ASTN2: variants seen among roughly 807,000 people sequenced by gnomAD.
The protein encoded by ASTN2 is astrotactin-2.
Under a neutral mutation model 139.8 loss-of-function variants are expected in ASTN2, and 54 were observed. The observed-to-expected ratio is 0.39, with a 90% CI of 0.31 to 0.48. ASTN2 has a LOEUF of 0.48. Ranked by LOEUF, ASTN2 falls within the 20% of genes least tolerant of loss-of-function variation. The pLI is 0.95. For synonymous variants in ASTN2, 756 were observed against 719.5 expected (o/e 1.05, Z -0.81); for missense variants, 1,565 against 1,725.1 (o/e 0.91, Z 1.64).
intron 10 of ASTN2, among the ~76,000 whole-genome samples, chr9:116,883,794 C>G (rs1354654221): frequency 6.6e-6 from 1 of 152,186 alleles, no homozygotes; most frequent in Non-Finnish European, 1.5e-5. Context: ...GATTTCTAGA[C>G]AGAGCAATGG....
intron 19 of ASTN2, among the ~76,000 whole-genome samples, chr9:116,530,593 T>C (rs553842175): frequency 6.6e-5 from 10 of 152,204 alleles, no homozygotes; most frequent in African/African-American, 1.9e-4. Context: ...ATACCATAAA[T>C]ATATATAATT....
intron 17 of ASTN2, among the ~76,000 whole-genome samples, chr9:116,643,859 A>G (rs557253559): frequency 1.3e-4 from 20 of 152,184 alleles, no homozygotes; most frequent in Non-Finnish European, 2.5e-4. Context: ...TGTCTATTGC[A>G]CTATTCAAAA....
chr9:116,476,802 T>C (rs1369336189), intron 20 of ASTN2, among the ~76,000 whole-genome samples: 1 of 152,160 alleles, frequency 6.6e-6, no homozygotes, highest in East Asian at 1.9e-4. Context: ...CCCCCTTTTA[T>C]CAATATCAAA....
intron 1 of ASTN2, among the ~76,000 whole-genome samples, chr9:117,306,602 G>T (rs892532236): frequency 2.0e-5 from 3 of 152,130 alleles, no homozygotes; most frequent in Non-Finnish European, 2.9e-5. Flanking sequence ...TGTTAGTAAA[G>T]ATGCTTTGAT....
chr9:117,015,041 C>G (rs1396479654), intron 6 of ASTN2, among the ~76,000 whole-genome samples: 1 of 152,044 alleles, frequency 6.6e-6, no homozygotes. Flanking sequence ...GTTGTTGAAA[C>G]AGCTCTAACT....
At chr9:117,143,420 T>C (rs1830120366) in intron 3 of ASTN2, among the ~76,000 whole-genome samples, 1 of 152,198 alleles carries the variant, frequency 6.6e-6, no homozygotes, top group Non-Finnish European at 1.5e-5. Flanking sequence ...GCCCAATAGA[T>C]GGGCTATACT....
intron 4 of ASTN2, among the ~76,000 whole-genome samples, chr9:117,102,749 T>C (rs1223221897): frequency 6.6e-6 from 1 of 152,198 alleles, no homozygotes; most frequent in Non-Finnish European, 1.5e-5. Context: ...CTTGAACTCC[T>C]GACCTTAGAT....
intron 17 of ASTN2, among the ~76,000 whole-genome samples, chr9:116,629,335 T>C (rs1431853533): frequency 6.6e-6 from 1 of 152,068 alleles, no homozygotes; most frequent in Admixed American, 6.5e-5. Context: ...GCCAGGATGG[T>C]CTTGAGCTTC....
intron 3 of ASTN2, among the ~76,000 whole-genome samples, chr9:117,185,551 CAG>C (rs1266381257): frequency 6.6e-6 from 1 of 151,432 alleles, no homozygotes; most frequent in Non-Finnish European, 1.5e-5. Flanking sequence ...TATATCTGCA[CAG>C]AGTCAGATAG....
intron 19 of ASTN2, among the ~76,000 whole-genome samples, chr9:116,502,718 GGAAGGAAGGAAGGAATGAATGAATGAAT>G (rs1849919619): frequency 8.3e-5 from 4 of 47,930 alleles, no homozygotes; most frequent in African/African-American, 3.0e-4. Flanking sequence ...AAGGAAGGAA[GGAAGGAAGGAAGGAATGAATGAATGAAT>G]GAGGGAAGGA....
chr9:116,971,186 TG>T (rs1836185040), intron 10 of ASTN2, among the ~76,000 whole-genome samples: 2 of 152,204 alleles, frequency 1.3e-5, no homozygotes, highest in African/African-American at 4.8e-5. Context: ...GCTAGAGATT[TG>T]CTCTTCCACC....
intron 20 of ASTN2, among the ~76,000 whole-genome samples, chr9:116,446,255 G>GGAGAGAGAGAGAGAGATAGAGAGA (rs1847987098): frequency 8.8e-6 from 1 of 113,932 alleles, no homozygotes; most frequent in African/African-American, 3.5e-5. Flanking sequence ...GAGGGGAGAG[G>GGAGAGAGAGAGAGAGATAGAGAGA]GAGAGAGAGA....
At chr9:116,806,374 C>T (rs1265191505) in intron 12 of ASTN2, among the ~76,000 whole-genome samples, 1 of 152,146 alleles carries the variant, frequency 6.6e-6, no homozygotes, top group Non-Finnish European at 1.5e-5. Context: ...GTGGCCTCAT[C>T]TATGGACAAA....
At chr9:116,476,446 C>A (rs1482237604) in intron 20 of ASTN2, among the ~76,000 whole-genome samples, 1 of 152,162 alleles carries the variant, frequency 6.6e-6, no homozygotes, top group Non-Finnish European at 1.5e-5. Context: ...GTTCCCCTGG[C>A]TGGGCTAGTG....
At chr9:116,573,681 T>G (rs576618043) in intron 19 of ASTN2, among the ~76,000 whole-genome samples, 5 of 152,342 alleles carry the variant, frequency 3.3e-5, no homozygotes, top group African/African-American at 1.2e-4. Flanking sequence ...TCTTTGGATC[T>G]TGTACTAACC....
intron 1 of ASTN2, among the ~76,000 whole-genome samples, chr9:117,365,050 G>A (rs1419653183): frequency 1.3e-5 from 2 of 151,318 alleles, no homozygotes; most frequent in African/African-American, 4.9e-5. Flanking sequence ...TACTCAGGAG[G>A]CTGGGAAAGG....
chr9:116,762,278 G>T (rs1829692425), intron 13 of ASTN2, among the ~76,000 whole-genome samples: 1 of 152,184 alleles, frequency 6.6e-6, no homozygotes, highest in Non-Finnish European at 1.5e-5. Context: ...GCCACTTGTT[G>T]TCTGTGAGCT....
intron 13 of ASTN2, among the ~76,000 whole-genome samples, chr9:116,773,602 C>T (rs896232552): frequency 6.6e-6 from 1 of 152,168 alleles, no homozygotes; most frequent in Non-Finnish European, 1.5e-5. Context: ...AAAAAGAAAA[C>T]ATGCTCTGAA....
At chr9:116,702,887 T>C (rs1435544106) in intron 16 of ASTN2, among the ~76,000 whole-genome samples, 1 of 152,172 alleles carries the variant, frequency 6.6e-6, no homozygotes, top group Non-Finnish European at 1.5e-5. Context: ...GCACTCTTAT[T>C]CCAATCAGTA....
Sources: gnomAD v4.1 joint callset for allele counts (sites outside exome capture counted in the v4.1 genomes callset) on GRCh38, gnomAD v4.1.1 for gene constraint, MANE v1.5 for transcripts, NCBI Gene and HGNC (gene_info 2026-07-23, HGNC 2026-07-21) for gene names.